Variants in L3HYPDH observed in about 807,000 individuals in gnomAD.
The protein encoded by L3HYPDH is trans-L-3-hydroxyproline dehydratase, also known as trans-3-hydroxy-L-proline dehydratase.
In L3HYPDH, 32 loss-of-function variants were observed where a neutral mutation model predicts 26.5. The ratio of observed to expected loss-of-function variants is 1.21; its 90% CI spans 0.91 to 1.62. The LOEUF (loss-of-function observed/expected upper bound fraction) is 1.62, where lower values mean the gene tolerates loss of function less well. Among genes scored for constraint, L3HYPDH ranks in the 40% most tolerant of loss-of-function variants. The pLI is 0.00. For synonymous variants in L3HYPDH, 215 were observed against 196.6 expected (o/e 1.09, Z -0.78); for missense variants, 554 against 476.4 (o/e 1.16, Z -1.52).
chr14:59,470,114 G>A (rs1889275935), downstream of L3HYPDH, among the ~76,000 whole-genome samples: 1 of 152,242 alleles, frequency 6.6e-6, no homozygotes, highest in East Asian at 1.9e-4. Flanking sequence ...TATGAGGAAC[G>A]TACTTGTGAG....
At chr14:59,503,945 G>A in the L3HYPDH span, 3 of 1,613,558 alleles carry the variant, frequency 1.9e-6, no homozygotes, top group Non-Finnish European at 2.5e-6. Flanking sequence ...TCCATTTCCA[G>A]AGTGGATAAA....
chr14:59,501,769 T>G, the L3HYPDH span, among the ~76,000 whole-genome samples: 4 of 152,200 alleles, frequency 2.6e-5, no homozygotes, highest in East Asian at 7.7e-4. Flanking sequence ...GAGCTAACAT[T>G]AATAGCCACA....
Position 59,476,115 on chromosome 14 carries a change from T to C in L3HYPDH, c.778A>G (p.Ile260Val), listed in dbSNP as rs138743622. ...DAYTKEPTTNICVFADEQVDR... is the reference protein window; with the variant it reads ...DAYTKEPTTNVCVFADEQVDR... ...ACCTGTTCATCTGCAAAAACACAAA[T>C]GTTGGTGGTTGGTTCCTTGGTATAA... The change falls in exon 3 of 5, where the codon ATT (isoleucine) becomes GTT (valine). Residue 260 changes from isoleucine to valine, a missense_variant. Ile to Val is a conservative substitution (Grantham distance 29). Transcript: ENST00000247194. 176 of 1,613,884 alleles carry C rather than the reference T, an allele frequency of 1.1e-4. 1 individual carries two copies. In the South Asian group the frequency reaches 1.5e-3, roughly 14 times the overall value.
chr14:59,469,986 A>C (rs1437490316), downstream of L3HYPDH, among the ~76,000 whole-genome samples: 4 of 152,200 alleles, frequency 2.6e-5, no homozygotes, highest in Non-Finnish European at 5.9e-5. Flanking sequence ...GCAGATAAAG[A>C]AAGCAAAGCT....
At chr14:59,501,151 T>A in the L3HYPDH span, 5 of 1,244,754 alleles carry the variant, frequency 4.0e-6, 1 homozygote, top group South Asian at 6.5e-5. Context: ...TTGAGAAAAT[T>A]TGTTTCATTT....
At chr14:59,496,567 A>G in the L3HYPDH span, among the ~76,000 whole-genome samples, 1 of 152,222 alleles carries the variant, frequency 6.6e-6, no homozygotes, top group African/African-American at 2.4e-5. Context: ...ATATAAGATT[A>G]GAAGAGAAAT....
At chr14:59,468,076 T>C (rs1314284808), downstream of L3HYPDH, among the ~76,000 whole-genome samples, 1 of 152,208 alleles carries the variant, frequency 6.6e-6, no homozygotes, top group African/African-American at 2.4e-5. Flanking sequence ...AAATTCTTCA[T>C]GCCACTTACT....
chr14:59,473,774 T>C (rs1889433512), intron 4 of L3HYPDH, among the ~76,000 whole-genome samples: 1 of 151,922 alleles, frequency 6.6e-6, no homozygotes, highest in Admixed American at 6.6e-5. Flanking sequence ...GTGGATGAAA[T>C]TGCCCAGCAG....
At chr14:59,477,744 C>G (rs1196255714) in intron 2 of L3HYPDH, among the ~76,000 whole-genome samples, 2 of 152,130 alleles carry the variant, frequency 1.3e-5, no homozygotes. Flanking sequence ...AATACTGATA[C>G]AGTGTATATT....
the L3HYPDH span, among the ~76,000 whole-genome samples, chr14:59,502,773 T>TTTTTGTTTG: frequency 9.7e-6 from 1 of 102,834 alleles, no homozygotes; most frequent in Non-Finnish European, 1.8e-5. Context: ...TTTTTTTTTT[T>TTTTTGTTTG]CGGAGTCTCA....
the L3HYPDH span, chr14:59,499,015 CTTTTTTTTTTT>C: frequency 6.0e-3 from 756 of 126,904 alleles, no homozygotes; most frequent in South Asian, 0.017. Flanking sequence ...TTGTTTAATC[CTTTTTTTTTTT>C]TTTTTTTTTT....
At chr14:59,485,109 TTTGC>T (rs1244286202), upstream of L3HYPDH, 2 of 1,598,424 alleles carry the variant, frequency 1.3e-6, no homozygotes, top group Admixed American at 3.3e-5. Flanking sequence ...GAGCCTGGGT[TTTGC>T]TTAGTAAGTG....
At chr14:59,500,246 G>C in the L3HYPDH span, among the ~76,000 whole-genome samples, 2 of 152,102 alleles carry the variant, frequency 1.3e-5, no homozygotes, top group Non-Finnish European at 2.9e-5. Flanking sequence ...TAGTAAGTTG[G>C]AATCAGGCCT....
chr14:59,496,053 G>A, the L3HYPDH span, among the ~76,000 whole-genome samples: 4 of 152,110 alleles, frequency 2.6e-5, no homozygotes, highest in African/African-American at 9.7e-5. Flanking sequence ...ACAGGCATGT[G>A]CCACTATGCC....
At chr14:59,470,261 C>A (rs577220770), downstream of L3HYPDH, among the ~76,000 whole-genome samples, 1 of 152,270 alleles carries the variant, frequency 6.6e-6, no homozygotes, top group South Asian at 2.1e-4. Context: ...TCACAGTACT[C>A]CAACCAGCAA....
chr14:59,476,947 C>T (rs1047855829), intron 2 of L3HYPDH, among the ~76,000 whole-genome samples: 2 of 152,196 alleles, frequency 1.3e-5, no homozygotes, highest in African/African-American at 4.8e-5. Flanking sequence ...TACAGTATGA[C>T]TGAGATTGCT....
At chr14:59,491,294 G>T in the L3HYPDH span, among the ~76,000 whole-genome samples, 2 of 152,108 alleles carry the variant, frequency 1.3e-5, no homozygotes, top group Admixed American at 6.5e-5. Context: ...TAGAGAAGAC[G>T]ATGCTGGTGG....
At chr14:59,503,730 C>T in the L3HYPDH span, 10 of 628,924 alleles carry the variant, frequency 1.6e-5, no homozygotes, top group Middle Eastern at 4.3e-4. Context: ...TCTTTTTTAG[C>T]TCAAACATTT....
At chr14:59,493,076 G>A in the L3HYPDH span, among the ~76,000 whole-genome samples, 1 of 152,082 alleles carries the variant, frequency 6.6e-6, no homozygotes, top group African/African-American at 2.4e-5. Context: ...GGGATTACAG[G>A]CGTGAGCCAC....
Sources: allele counts gnomAD v4.1 joint callset (sites outside exome capture counted in the v4.1 genomes callset), GRCh38; gene constraint gnomAD v4.1.1; transcripts MANE v1.5; gene names NCBI Gene and HGNC (gene_info 2026-07-23, HGNC 2026-07-21).